Variants in DPEP2 observed in about 807,000 individuals in gnomAD.
The protein encoded by DPEP2 is dipeptidase 2.
In DPEP2, 45 loss-of-function variants were observed where a neutral mutation model predicts 51.8. The observed-to-expected ratio is 0.87, with a 90% CI of 0.68 to 1.11. The LOEUF (loss-of-function observed/expected upper bound fraction) is 1.11, where lower values mean the gene tolerates loss of function less well. Ranked by LOEUF, DPEP2 falls within the 50% of genes most tolerant of loss-of-function variation. The pLI is 0.00. For synonymous variants in DPEP2, 255 were observed against 262.7 expected (o/e 0.97, Z 0.28); for missense variants, 604 against 631.9 (o/e 0.96, Z 0.47).
At chr16:67,999,534 TA>T (rs1014572694), upstream of DPEP2, 1 of 985,550 alleles carries the variant, frequency 1.0e-6, no homozygotes, top group African/African-American at 1.7e-5. Flanking sequence ...TGGGTGAGGT[TA>T]GGGGGAGGAT....
chr16:67,989,400 T>A lies in DPEP2; in HGVS notation c.995-2A>T. The A allele has an allele frequency of 2.5e-6, 4 of 1,614,142 alleles. No homozygotes were observed. The highest frequency in any genetic ancestry group is 2.5e-6 in the Non-Finnish European group (3 of 1,179,986). On this transcript the variant is annotated splice_acceptor_variant, in intron 8 of 10. Transcript: ENST00000393847. LOFTEE classifies it high-confidence loss of function. ...CAGCCTTGATGTGGTCGAAGTGATC[T>A]GGGGAGGGGGAAGGTGGACAGTCAG...
In DPEP2 at chr16:67,991,364, CCTTTT is replaced by C. The variant is rs1419396434; in HGVS notation, c.663-185_663-181del. Among the ~76,000 whole-genome samples, 1 of 151,266 alleles carries C rather than the reference CCTTTT, an allele frequency of 6.6e-6. No individual in the cohort carries two copies. The highest frequency in any genetic ancestry group is 1.5e-5 in the Non-Finnish European group (1 of 67,812). On this transcript the variant is annotated intron_variant, in intron 5 of 10. Coordinates refer to ENST00000393847, the MANE Select transcript of DPEP2 (RefSeq NM_022355.4). This position sits in a 1 kb window ranked among gnomAD's most constrained non-coding sequence, Gnocchi z 5.1. ...CCCTGCTGGGTCCAGTCTTTTTTTTCCTTTTCTTTTTTTTTTTTTTTTGGCAATAG... is the reference window on the plus strand; with the variant it reads ...CCCTGCTGGGTCCAGTCTTTTTTTTCCTTTTTTTTTTTTTTTTGGCAATAG...
chr16:67,997,715 CAGG>C (rs2032782936), intron 1 of DPEP2, among the ~76,000 whole-genome samples: 1 of 152,010 alleles, frequency 6.6e-6, no homozygotes, highest in African/African-American at 2.4e-5. Context: ...GGCTGGAGGC[CAGG>C]AGATCAGGAG....
At chr16:67,989,726 AAAG>A (rs1221137834) in intron 8 of DPEP2, among the ~76,000 whole-genome samples, 1 of 152,244 alleles carries the variant, frequency 6.6e-6, no homozygotes, top group African/African-American at 2.4e-5. Flanking sequence ...ACGGAGGGAC[AAAG>A]AGTACAACTG....
chr16:67,997,062 C>T (rs895970439), intron 1 of DPEP2, among the ~76,000 whole-genome samples: 4 of 148,706 alleles, frequency 2.7e-5, no homozygotes, highest in Non-Finnish European at 4.5e-5. Context: ...GACAGAGTTT[C>T]ATTCTTGTTG....
rs1220243915 is a variant in DPEP2, at chr16:67,993,185, C to A, written c.28G>T (p.Gly10Cys). The change falls in exon 2 of 11, where the codon GGC becomes TGC. Residue 10 changes from glycine to cysteine, a missense_variant. Coordinates refer to ENST00000393847, the MANE Select transcript of DPEP2 (RefSeq NM_022355.4). ...AGCAGAGGCCACCGACCAAACGTGC[C>A]GGGACCCTCGAGGCCGGAGGGCTGC... MQPSGLEGP[G>C]TFGRWPLLSL... is the part of the protein sequence containing the mutation. 1 of 1,482,240 alleles carries A rather than the reference C, an allele frequency of 6.7e-7. No homozygotes were observed. The highest frequency in any genetic ancestry group is 2.4e-5 in the Admixed American group (1 of 41,002). 91.8% of individuals were successfully genotyped at this position (1,482,240 alleles called of 1,614,324 possible).
chr16:67,992,381 A>G, intron 3 of DPEP2, 129 bp downstream of exon 3: 2 of 1,471,112 alleles, frequency 1.4e-6, no homozygotes, highest in Non-Finnish European at 1.8e-6. Flanking sequence ...CAGCATCCAT[A>G]TCATGACACT....
upstream of DPEP2, chr16:67,999,761 A>G (rs1422540325): frequency 1.3e-5 from 2 of 149,766 alleles, no homozygotes; most frequent in African/African-American, 4.9e-5. Flanking sequence ...AAGAAAAAGG[A>G]AAAAAAAAAG....
At chr16:67,989,904 G>A (rs980410585) in intron 8 of DPEP2, 143 bp downstream of exon 8, 75 of 811,036 alleles carry the variant, frequency 9.2e-5, no homozygotes, top group South Asian at 7.2e-4. Flanking sequence ...CTGACTCTGT[G>A]GCTGCAGCTC....
chr16:67,991,089 G>T lies in DPEP2; in HGVS notation c.732+26C>A. 1 of 1,614,190 alleles carries T rather than the reference G, an allele frequency of 6.2e-7. No individual in the cohort carries two copies. Among genetic ancestry groups the T allele is most frequent in the Admixed American group, 1.7e-5 (1 of 60,022 alleles). On this transcript the variant is annotated intron_variant, in intron 6 of 10. Coordinates refer to ENST00000393847, the MANE Select transcript of DPEP2 (RefSeq NM_022355.4). This position sits in a 1 kb window ranked among gnomAD's most constrained non-coding sequence, Gnocchi z 5.1. ...AGCTGGGGTGTGCACATTTGTTTGGGGTGGAGTGTGAACCAGGGTCCTCAC... is the reference window on the plus strand; with the variant it reads ...AGCTGGGGTGTGCACATTTGTTTGGTGTGGAGTGTGAACCAGGGTCCTCAC...
At chr16:67,993,825 G>A in intron 1 of DPEP2, 3 of 985,562 alleles carry the variant, frequency 3.0e-6, no homozygotes, top group Non-Finnish European at 3.6e-6. Context: ...CTGTGGACTG[G>A]ATTCAGGAAG....
Position 67,993,125 on chromosome 16 carries a change from C to A in DPEP2, c.88G>T (p.Val30Leu). 6.5e-7 allele frequency: 1 copy of A among 1,548,144 alleles called. No individual in the cohort carries two copies. The highest frequency in any genetic ancestry group is 8.7e-7 in the Non-Finnish European group (1 of 1,145,210). Residue 30 changes from valine (V) to leucine (L), a missense_variant, in exon 2 of 11, where the codon GTA (valine) becomes TTA (leucine). Coordinates refer to ENST00000393847, the MANE Select transcript of DPEP2 (RefSeq NM_022355.4). ...CCTGGCGTGGTGTAGGCACAGGTTA[C>A]AGGCTGGAGCAGCAGCAGCAGGAGC... is the stretch of plus-strand genomic sequence containing the variant. The part of the protein sequence containing the change: ...LLLLLLLLQP[V>L]TCAYTTPGPP...
In DPEP2 at chr16:67,991,675, G is replaced by C. The variant is rs2032172947; in HGVS notation, c.662+163C>G. ...TTACAGGCATGAGCCACCGCGTCTG[G>C]CCAGGGGTCAAGTCGTATTCTGAAA... On this transcript the variant is annotated intron_variant, in intron 5 of 10. Coordinates refer to ENST00000393847, the MANE Select transcript of DPEP2 (RefSeq NM_022355.4). This position sits in a 1 kb window ranked among gnomAD's most constrained non-coding sequence, Gnocchi z 5.1. 9.9e-6 allele frequency: 11 copies of C among 1,116,028 alleles called. No homozygotes were observed. Among genetic ancestry groups the C allele is most frequent in the Non-Finnish European group, 1.2e-5 (10 of 808,500 alleles). The allele number at this position is 1,116,028 out of a possible 1,614,324, so 69.1% of individuals were successfully genotyped here. A position where few individuals can be genotyped will look rare whatever the true frequency, so the allele number is the denominator to read the frequency against.
Position 67,993,116 on chromosome 16 carries a change from C to A in DPEP2, c.97G>T (p.Ala33Ser). 6.4e-7 allele frequency: 1 copy of A among 1,561,448 alleles called. No homozygotes were observed. Residue 33 changes from alanine to serine, a missense_variant, in exon 2 of 11, where the codon GCC (alanine) becomes TCC (serine). Transcript: ENST00000393847. ...CTGGGGGGGCCTGGCGTGGTGTAGG[C>A]ACAGGTTACAGGCTGGAGCAGCAGC... ...LLLLLQPVTC[A>S]YTTPGPPRAL...
chr16:67,996,192 A>C (rs1222215992), intron 1 of DPEP2, among the ~76,000 whole-genome samples: 1 of 143,138 alleles, frequency 7.0e-6, no homozygotes. Context: ...ACTCGCCACC[A>C]CACTCGGCTA....
rs1291388640 is a variant in DPEP2, at chr16:67,987,579, G to C, written c.1388C>G (p.Ser463Ter). The change falls in exon 11 of 11, where the codon TCA (serine) becomes TGA (stop). Residue 463 changes from serine (S) to a stop codon, truncating the protein, a stop_gained. Coordinates refer to ENST00000393847, the MANE Select transcript of DPEP2 (RefSeq NM_022355.4). LOFTEE classifies it high-confidence loss of function. ...TGGGGCCATGTGGGGGGAGGACTCT[G>C]AGACTGACCACTTGGCTGGTAACTT... The part of the protein sequence containing the change: ...TAKLPAKWSV[S>*]ESSPHMAPVL... 6.2e-7 allele frequency: 1 copy of C among 1,614,182 alleles called. No individual in the cohort carries two copies. Among genetic ancestry groups the C allele is most frequent in the Admixed American group, 1.7e-5 (1 of 60,006 alleles).
In DPEP2 at chr16:67,991,611, T is replaced by C; in HGVS notation, c.662+227A>G. 1.6e-6 allele frequency: 1 copy of C among 618,828 alleles called. No homozygotes were observed. Among genetic ancestry groups the C allele is most frequent in the Non-Finnish European group, 2.7e-6 (1 of 370,060 alleles). The allele number at this position is 618,828 out of a possible 1,614,324, so 38.3% of individuals were successfully genotyped here. A position where few individuals can be genotyped will look rare whatever the true frequency, so the allele number is the denominator to read the frequency against. Reference sequence around the variant, plus strand: ...CAGGCTGGTCTCGAACTCCTGGCCTTAAGTTATCTGTCCGCCTCAGCCTCC... The same window carrying C: ...CAGGCTGGTCTCGAACTCCTGGCCTCAAGTTATCTGTCCGCCTCAGCCTCC... On this transcript the variant is annotated intron_variant, in intron 5 of 10. Coordinates refer to ENST00000393847, the MANE Select transcript of DPEP2 (RefSeq NM_022355.4). The surrounding 1 kb of genome is among the most constrained non-coding windows in gnomAD (Gnocchi z 5.1).
chr16:67,992,801 CAG>C (rs1454656744), intron 2 of DPEP2, 147 bp downstream of exon 2: 35 of 1,479,162 alleles, frequency 2.4e-5, no homozygotes, highest in Non-Finnish European at 9.9e-6. Context: ...GAGGGGATGA[CAG>C]AGGGGAAAGG....
At position 67,991,030 on chromosome 16, in the gene DPEP2, G is replaced by A. The variant is rs780328289; in HGVS notation, c.733-33C>T. The A allele has an allele frequency of 6.2e-7, 1 of 1,613,864 alleles. No individual in the cohort carries two copies. The highest frequency in any genetic ancestry group is 2.2e-5 in the East Asian group (1 of 44,888). On this transcript the variant is annotated intron_variant, in intron 6 of 10. Transcript: ENST00000393847. This position sits in a 1 kb window ranked among gnomAD's most constrained non-coding sequence, Gnocchi z 5.1. ...GACATGTTGGGAGAAGGGTATCAGG[G>A]GTGCACATGTGTATACATTTATTTG...
Sources: allele counts gnomAD v4.1 joint callset (sites outside exome capture counted in the v4.1 genomes callset), GRCh38; gene constraint gnomAD v4.1.1; non-coding constraint Gnocchi (gnomAD v3.1); transcripts MANE v1.5; gene names NCBI Gene and HGNC (gene_info 2026-07-23, HGNC 2026-07-21).